JAZF1: variants seen among roughly 807,000 people sequenced by gnomAD.
JAZF1 encodes JAZF zinc finger 1, also known as juxtaposed with another zinc finger protein 1.
JAZF1 carries 8 observed loss-of-function variants against 26.4 expected under a neutral mutation model. The observed-to-expected ratio is 0.30, with a 90% CI of 0.18 to 0.55. JAZF1 has a LOEUF of 0.55. Ranked by LOEUF, JAZF1 falls within the 20% of genes least tolerant of loss-of-function variation. The pLI is 0.94. For missense variants in JAZF1, 199 were observed against 322.0 expected, an observed-to-expected ratio of 0.62 and a Z score of 2.92; for synonymous variants, 126 against 122.3, an observed-to-expected ratio of 1.03 and a Z score of -0.20.
At chr7:28,105,332 T>C (rs1784534474) in intron 1 of JAZF1, among the ~76,000 whole-genome samples, 1 of 152,222 alleles carries the variant, frequency 6.6e-6, no homozygotes, top group South Asian at 2.1e-4. Flanking sequence ...CAGTACCTTT[T>C]ACTTACAAAA....
chr7:28,076,674 C>T (rs1357411228), intron 1 of JAZF1, among the ~76,000 whole-genome samples: 1 of 146,212 alleles, frequency 6.8e-6, no homozygotes, highest in African/African-American at 2.5e-5. Context: ...AGTTTTTCTC[C>T]GGTTTGCTTA....
chr7:27,834,720 G>C (rs1420424719), intron 4 of JAZF1, among the ~76,000 whole-genome samples: 1 of 152,202 alleles, frequency 6.6e-6, no homozygotes, highest in Non-Finnish European at 1.5e-5. Context: ...CATGAGTGAA[G>C]AGGCCAACGT....
chr7:27,832,944 A>G lies in JAZF1; in HGVS notation c.588T>C (p.Asn196=), dbSNP rs777528914. The part of the protein sequence containing the change: ...NVNGIKYHAK[N]GHRTQIRVRK... Reference sequence around the variant, plus strand: ...GGACACGAATCTGTGTTCTGTGACCATTCTTAGCGTGATACTTTATGCCAT... The same window carrying G: ...GGACACGAATCTGTGTTCTGTGACCGTTCTTAGCGTGATACTTTATGCCAT... The change falls in exon 5 of 5, where the codon AAT becomes AAC. Residue 196 remains asparagine (N), a synonymous_variant. Transcript: ENST00000283928. 6.2e-7 allele frequency: 1 copy of G among 1,606,422 alleles called. No individual in the cohort carries two copies. The highest frequency in any genetic ancestry group is 1.1e-5 in the South Asian group (1 of 90,020).
intron 1 of JAZF1, among the ~76,000 whole-genome samples, chr7:28,023,098 CA>C (rs1195953311): frequency 6.6e-6 from 1 of 152,148 alleles, no homozygotes; most frequent in Non-Finnish European, 1.5e-5. Flanking sequence ...TGACTTAAGA[CA>C]GGGGTAGTAC....
intron 1 of JAZF1, among the ~76,000 whole-genome samples, chr7:28,045,987 G>C (rs1461667105): frequency 2.0e-5 from 3 of 152,160 alleles, no homozygotes; most frequent in Non-Finnish European, 4.4e-5. Context: ...CCATATAGAA[G>C]TGTAAAGTTA....
In JAZF1 at chr7:28,121,657, G is replaced by A. The variant is rs150580635; in HGVS notation, c.115+58806C>T. Among the ~76,000 whole-genome samples, 95 of 152,258 alleles carry A rather than the reference G, an allele frequency of 6.2e-4. 1 individual carries two copies. Among genetic ancestry groups the A allele is most frequent in the African/African-American group, 2.2e-3 (93 of 41,546 alleles). On this transcript the variant is annotated intron_variant, in intron 1 of 4. Transcript: ENST00000283928. ...AATGAAAGTCAAATTTAACAGAGGC[G>A]TAGTTGCATACACGTGACCAATGTA...
chr7:27,957,043 T>C (rs1785107166), intron 2 of JAZF1, among the ~76,000 whole-genome samples: 1 of 152,228 alleles, frequency 6.6e-6, no homozygotes, highest in African/African-American at 2.4e-5. Context: ...GCTGACTCAG[T>C]TCTGCTCTGC....
intron 1 of JAZF1, among the ~76,000 whole-genome samples, chr7:28,064,876 A>G (rs1460099925): frequency 6.6e-6 from 1 of 152,216 alleles, no homozygotes; most frequent in Non-Finnish European, 1.5e-5. Context: ...CTTAAATTCT[A>G]CCATTAGAGA....
chr7:27,910,448 T>G (rs1281283409), intron 2 of JAZF1, among the ~76,000 whole-genome samples: 2 of 152,320 alleles, frequency 1.3e-5, no homozygotes, highest in Non-Finnish European at 2.9e-5. Flanking sequence ...CCTCTGGACC[T>G]TCTGCTGATT....
chr7:27,982,806 C>A (rs781633523), intron 2 of JAZF1, among the ~76,000 whole-genome samples: 2 of 152,238 alleles, frequency 1.3e-5, no homozygotes, highest in Non-Finnish European at 2.9e-5. Context: ...CTGCAGCCTC[C>A]GCTGGTGATA....
At chr7:27,948,913 A>C (rs1022395065) in intron 2 of JAZF1, among the ~76,000 whole-genome samples, 1 of 152,150 alleles carries the variant, frequency 6.6e-6, no homozygotes, top group Non-Finnish European at 1.5e-5. Context: ...AACTTCACGG[A>C]TTTCTACCTG....
chr7:27,889,176 C>G (rs757717786), intron 3 of JAZF1, among the ~76,000 whole-genome samples: 5 of 152,188 alleles, frequency 3.3e-5, no homozygotes, highest in Non-Finnish European at 7.4e-5. Flanking sequence ...GCCCCACCCA[C>G]CAGCTGAATC....
intron 1 of JAZF1, among the ~76,000 whole-genome samples, chr7:28,049,478 C>T (rs1023551408): frequency 6.6e-6 from 1 of 152,170 alleles, no homozygotes; most frequent in African/African-American, 2.4e-5. Context: ...ATTCTCTAAT[C>T]CTTGGCAAAA....
chr7:27,970,479 A>AC (rs1320904394), intron 2 of JAZF1, among the ~76,000 whole-genome samples: 4 of 152,204 alleles, frequency 2.6e-5, no homozygotes, highest in African/African-American at 9.7e-5. Flanking sequence ...CAAAAAACTT[A>AC]CATCATTACT....
intron 1 of JAZF1, among the ~76,000 whole-genome samples, chr7:28,085,528 G>A (rs1431107225): frequency 6.6e-6 from 1 of 152,110 alleles, no homozygotes; most frequent in Non-Finnish European, 1.5e-5. Context: ...AAATATCTTT[G>A]TTTCCCCAGA....
At chr7:28,177,758 C>A (rs1783570388) in intron 1 of JAZF1, among the ~76,000 whole-genome samples, 1 of 152,174 alleles carries the variant, frequency 6.6e-6, no homozygotes, top group African/African-American at 2.4e-5. Context: ...TAGATTGAAT[C>A]AAAAACGATA....
At chr7:28,045,108 T>C (rs899922419) in intron 1 of JAZF1, among the ~76,000 whole-genome samples, 2 of 136,532 alleles carry the variant, frequency 1.5e-5, no homozygotes, top group Non-Finnish European at 3.0e-5. Flanking sequence ...AGGTGAAAAT[T>C]AGGGAGGCAT....
At chr7:28,180,343 C>A (rs1301362417) in intron 1 of JAZF1, 120 bp downstream of exon 1, 2 of 554,734 alleles carry the variant, frequency 3.6e-6, no homozygotes, top group South Asian at 2.1e-5. Flanking sequence ...GGGGCTCGCA[C>A]GCGCCCTCCC....
intron 1 of JAZF1, among the ~76,000 whole-genome samples, chr7:28,083,213 C>T (rs1200054473): frequency 6.6e-6 from 1 of 152,144 alleles, no homozygotes; most frequent in African/African-American, 2.4e-5. Flanking sequence ...TCAGTTTAGC[C>T]CTTGTGCCTC....
Sources: gnomAD v4.1 joint callset for allele counts (sites outside exome capture counted in the v4.1 genomes callset) on GRCh38, gnomAD v4.1.1 for gene constraint, MANE v1.5 for transcripts, NCBI Gene and HGNC (gene_info 2026-07-23, HGNC 2026-07-21) for gene names.